NAV2: variants seen among roughly 807,000 people sequenced by gnomAD.
The protein encoded by NAV2 is helicase, APC down-regulated 1.
Under a neutral mutation model 223.2 loss-of-function variants are expected in NAV2, and 54 were observed. That is an observed-to-expected ratio of 0.24 (90% confidence interval 0.19 to 0.30). The LOEUF (loss-of-function observed/expected upper bound fraction) is 0.30, where lower values mean the gene tolerates loss of function less well. Ranked by LOEUF, NAV2 falls within the 10% of genes least tolerant of loss-of-function variation. NAV2 has a pLI of 1.00. For missense variants in NAV2, 2,806 were observed against 3,147.5 expected (o/e 0.89, Z 2.60); for synonymous variants, 1,279 against 1,239.3 (o/e 1.03, Z -0.67).
At chr11:20,075,585 C>T (rs1224650524) in intron 22 of NAV2, among the ~76,000 whole-genome samples, 1 of 152,022 alleles carries the variant, frequency 6.6e-6, no homozygotes, top group Non-Finnish European at 1.5e-5. Context: ...GAGAGAGAAG[C>T]TAACTATTCC....
At chr11:19,895,492 G>A (rs963757078) in intron 6 of NAV2, among the ~76,000 whole-genome samples, 1 of 152,152 alleles carries the variant, frequency 6.6e-6, no homozygotes, top group Non-Finnish European at 1.5e-5. Context: ...TGCCCTCGCT[G>A]GTAACTAAGC....
At chr11:19,355,739 G>C (rs549720148) in intron 1 of NAV2, among the ~76,000 whole-genome samples, 2 of 152,274 alleles carry the variant, frequency 1.3e-5, no homozygotes, top group East Asian at 1.9e-4. Context: ...CATGGTAACT[G>C]TATGACATCT....
intron 1 of NAV2, among the ~76,000 whole-genome samples, chr11:19,777,101 C>G (rs1458366269): frequency 6.6e-6 from 1 of 150,706 alleles, no homozygotes; most frequent in Non-Finnish European, 1.5e-5. Context: ...CGACCCCCCC[C>G]CCCACCCCGC....
chr11:19,918,002 C>T (rs914093943), intron 6 of NAV2, among the ~76,000 whole-genome samples: 5 of 152,200 alleles, frequency 3.3e-5, no homozygotes, highest in Non-Finnish European at 7.3e-5. Flanking sequence ...TTGAATCCCA[C>T]CTCTACCTTC....
At chr11:19,959,179 G>A (rs12800291) in intron 10 of NAV2, among the ~76,000 whole-genome samples, 2,872 of 152,220 alleles carry the variant, frequency 0.019, 48 homozygotes, top group Non-Finnish European at 0.03. Context: ...ATTGTCTCAG[G>A]CCTCTCAGGC....
chr11:19,851,823 G>A lies in NAV2; in HGVS notation c.438+8900G>A, dbSNP rs147964218. Reference sequence around the variant, plus strand: ...ACCTGATGAGAGACTTTCCAAATGCGATTAAGGATTTTGAGATGGGATAAT... The same window carrying A: ...ACCTGATGAGAGACTTTCCAAATGCAATTAAGGATTTTGAGATGGGATAAT... On this transcript the variant is annotated intron_variant, in intron 3 of 37. Transcript: ENST00000349880. 6.4e-4 allele frequency among the ~76,000 whole-genome samples: 97 copies of A among 152,314 alleles called. 2 individuals are homozygous for A. The East Asian group carries it at 9.8e-3, about 15-fold the overall frequency.
intron 1 of NAV2, among the ~76,000 whole-genome samples, chr11:19,564,605 G>C (rs1044544302): frequency 6.6e-6 from 1 of 151,996 alleles, no homozygotes; most frequent in African/African-American, 2.4e-5. Flanking sequence ...CAGACTTAGC[G>C]AGAGGGGCTG....
intron 6 of NAV2, among the ~76,000 whole-genome samples, chr11:19,921,332 A>G (rs376100787): frequency 1.6e-4 from 24 of 152,348 alleles, no homozygotes; most frequent in African/African-American, 5.8e-4. Flanking sequence ...GAGAAATATA[A>G]TAAGCTCGTT....
intron 1 of NAV2, among the ~76,000 whole-genome samples, chr11:19,727,551 T>G (rs982498417): frequency 1.3e-5 from 2 of 152,230 alleles, no homozygotes; most frequent in African/African-American, 4.8e-5. Flanking sequence ...AATGGGCAGG[T>G]GCTGTGCAAA....
intron 1 of NAV2, among the ~76,000 whole-genome samples, chr11:19,514,203 T>C (rs1026803650): frequency 1.4e-4 from 21 of 152,150 alleles, no homozygotes; most frequent in Non-Finnish European, 2.4e-4. Context: ...TGTGCAGCTC[T>C]TCTCTAGGGT....
intron 5 of NAV2, among the ~76,000 whole-genome samples, chr11:19,884,674 G>A (rs942402375): frequency 6.6e-6 from 1 of 152,148 alleles, no homozygotes; most frequent in Admixed American, 6.5e-5. Flanking sequence ...AGGTAAAGGT[G>A]AGTTTCTACA....
intron 5 of NAV2, among the ~76,000 whole-genome samples, chr11:19,880,979 T>A (rs561930069): frequency 6.6e-6 from 1 of 152,360 alleles, no homozygotes; most frequent in Admixed American, 6.5e-5. Flanking sequence ...TCAGATTGAT[T>A]GCTTGATTTC....
intron 1 of NAV2, among the ~76,000 whole-genome samples, chr11:19,491,396 C>A (rs1270082148): frequency 6.6e-6 from 1 of 152,180 alleles, no homozygotes; most frequent in Non-Finnish European, 1.5e-5. Context: ...TTAGCTAGAA[C>A]TTCTGGATAA....
chr11:19,766,923 G>T (rs1219117674), intron 1 of NAV2, among the ~76,000 whole-genome samples: 1 of 152,168 alleles, frequency 6.6e-6, no homozygotes, highest in Non-Finnish European at 1.5e-5. Context: ...GGGGTGGACT[G>T]CAGGGGATGA....
chr11:20,076,840 A>G lies in NAV2; in HGVS notation c.4984-712A>G, dbSNP rs2059787791. Reference sequence around the variant, plus strand: ...AAGCATTTAAAAAATTCTTAGAAATATAAAATAATGGTACATCTTATGTCA... The same window carrying G: ...AAGCATTTAAAAAATTCTTAGAAATGTAAAATAATGGTACATCTTATGTCA... On this transcript the variant is annotated intron_variant, in intron 22 of 37. Transcript: ENST00000349880. 2.0e-5 allele frequency among the ~76,000 whole-genome samples: 3 copies of G among 152,254 alleles called. No individual in the cohort carries two copies. In the South Asian group the frequency reaches 6.2e-4, roughly 31 times the overall value.
At chr11:20,056,882 A>G (rs962758493) in intron 19 of NAV2, among the ~76,000 whole-genome samples, 1 of 152,210 alleles carries the variant, frequency 6.6e-6, no homozygotes, top group Non-Finnish European at 1.5e-5. Context: ...TGAGAATTAA[A>G]TGAGATAATA....
chr11:19,944,298 T>G (rs1311623634), intron 8 of NAV2, among the ~76,000 whole-genome samples: 1 of 152,236 alleles, frequency 6.6e-6, no homozygotes, highest in Non-Finnish European at 1.5e-5. Context: ...CATGGTACAC[T>G]AGTGCCAGCT....
At chr11:19,390,726 G>T (rs181244877) in intron 1 of NAV2, among the ~76,000 whole-genome samples, 9 of 152,194 alleles carry the variant, frequency 5.9e-5, no homozygotes, top group African/African-American at 1.2e-4. Context: ...GGTCAGGAAG[G>T]CTTCTCTTGG....
intron 6 of NAV2, 39 bp downstream of exon 6, chr11:19,892,633 T>A (rs767902116): frequency 8.7e-6 from 14 of 1,604,706 alleles, no homozygotes; most frequent in Non-Finnish European, 1.1e-5. Context: ...GGTATTTTCC[T>A]TCAGAGCACA....
Sources: allele counts gnomAD v4.1 joint callset (sites outside exome capture counted in the v4.1 genomes callset), GRCh38; gene constraint gnomAD v4.1.1; transcripts MANE v1.5; gene names NCBI Gene and HGNC (gene_info 2026-07-23, HGNC 2026-07-21).